Variants in FAT3 observed in about 807,000 individuals in gnomAD.
FAT3 encodes FAT atypical cadherin 3.
Under a neutral mutation model 310.2 loss-of-function variants are expected in FAT3, and 95 were observed. The observed-to-expected ratio is 0.31, with a 90% CI of 0.26 to 0.36. The LOEUF (loss-of-function observed/expected upper bound fraction) is 0.36. Among genes scored for constraint, FAT3 ranks in the 10% least tolerant of loss-of-function variants. The pLI, the probability that FAT3 is intolerant of heterozygous loss-of-function variation, is 1.00. For synonymous variants in FAT3, 2,314 were observed against 2,192.9 expected, an observed-to-expected ratio of 1.06 and a Z score of -1.54; for missense variants, 5,408 against 5,715.6, an observed-to-expected ratio of 0.95 and a Z score of 1.74.
At chr11:92,604,648 T>A (rs577743242) in intron 3 of FAT3, among the ~76,000 whole-genome samples, 1 of 152,334 alleles carries the variant, frequency 6.6e-6, no homozygotes, top group African/African-American at 2.4e-5. Flanking sequence ...CTGTCTATAC[T>A]CATCCTGTAT....
chr11:92,438,607 A>G (rs1409619653), intron 2 of FAT3, among the ~76,000 whole-genome samples: 2 of 152,186 alleles, frequency 1.3e-5, no homozygotes, highest in Admixed American at 6.6e-5. Flanking sequence ...AATCAAATCA[A>G]TTTCATAATC....
chr11:92,352,743 GGT>G lies in FAT3; in HGVS notation c.634_635del (p.Val212HisfsTer10). On this transcript the variant is annotated frameshift_variant, in exon 2 of 28. Transcript: ENST00000525166. LOFTEE classifies it high-confidence loss of function. ...TCTCTTTTCAGTTCACCCCACGAGT[GGT>G]GTCATCTCCTTAAGTGGTCGATTAA... The part of the protein sequence containing the change: ...VDLFSVHPTS[G>X]VISLSGRLNY... The G allele has an allele frequency of 6.2e-7, 1 of 1,613,780 alleles. No individual in the cohort carries two copies.
At chr11:92,566,747 A>G (rs529668146) in intron 3 of FAT3, among the ~76,000 whole-genome samples, 1 of 152,252 alleles carries the variant, frequency 6.6e-6, no homozygotes, top group African/African-American at 2.4e-5. Flanking sequence ...ATGTACAACT[A>G]TCTGATCTTT....
chr11:92,288,481 C>T (rs1946612376), intron 1 of FAT3, among the ~76,000 whole-genome samples: 1 of 152,044 alleles, frequency 6.6e-6, no homozygotes, highest in South Asian at 2.1e-4. Context: ...CCAGTCAGTA[C>T]CTGAGTCCCC....
intron 1 of FAT3, among the ~76,000 whole-genome samples, chr11:92,326,714 C>T (rs529932982): frequency 1.8e-4 from 27 of 152,304 alleles, no homozygotes; most frequent in South Asian, 6.2e-4. Context: ...AGGCGCAGCC[C>T]GCTAGTGTAT....
intron 3 of FAT3, among the ~76,000 whole-genome samples, chr11:92,607,010 C>T (rs1940333014): frequency 6.6e-6 from 1 of 152,136 alleles, no homozygotes. Flanking sequence ...TTCTCTGTTC[C>T]ACACCACCTC....
chr11:92,810,914 C>T (rs1044695148), intron 13 of FAT3, among the ~76,000 whole-genome samples: 1 of 151,814 alleles, frequency 6.6e-6, no homozygotes, highest in Non-Finnish European at 1.5e-5. Context: ...GCTAAACAGA[C>T]CTTTATATAA....
rs35407952 is a variant in FAT3 at position 92,234,902 on chromosome 11, C to CAA, written c.-18+9746_-18+9747dup. ...GGGTGACAACAGTGAGACTCCGTCT[C>CAA]AAAAAAAAAAAAAAAAAAATTAGCT... On this transcript the variant is annotated intron_variant, in intron 1 of 27. Transcript: ENST00000525166. 7.1e-3 allele frequency among the ~76,000 whole-genome samples: 709 copies of CAA among 99,662 alleles called. 3 individuals carry two copies. Among genetic ancestry groups the CAA allele is most frequent in the African/African-American group, 0.024 (666 of 27,252 alleles). The allele number at this position is 99,662 out of a possible 152,430, so 65.4% of individuals were successfully genotyped here. A position where few individuals can be genotyped will look rare whatever the true frequency, so the allele number is the denominator to read the frequency against.
intron 2 of FAT3, among the ~76,000 whole-genome samples, chr11:92,520,273 T>A (rs1953638541): frequency 6.6e-6 from 1 of 152,100 alleles, no homozygotes; most frequent in South Asian, 2.1e-4. Flanking sequence ...TCTATAAAAT[T>A]CTAGAAAATA....
At chr11:92,371,967 T>TG (rs557459702) in intron 2 of FAT3, among the ~76,000 whole-genome samples, 55 of 152,306 alleles carry the variant, frequency 3.6e-4, no homozygotes, top group African/African-American at 1.3e-3. Flanking sequence ...TAAATTCGTG[T>TG]GTTTTTAAGT....
At chr11:92,471,782 G>T (rs903975012) in intron 2 of FAT3, among the ~76,000 whole-genome samples, 2 of 151,790 alleles carry the variant, frequency 1.3e-5, no homozygotes, top group Non-Finnish European at 2.9e-5. Flanking sequence ...AATATAGTGT[G>T]ATACATTCAT....
At chr11:92,505,217 A>T (rs1035456674) in intron 2 of FAT3, among the ~76,000 whole-genome samples, 1 of 152,074 alleles carries the variant, frequency 6.6e-6, no homozygotes, top group Non-Finnish European at 1.5e-5. Flanking sequence ...CCAATTCCTG[A>T]TGCTGATGCA....
chr11:92,515,303 C>T (rs919364721), intron 2 of FAT3, among the ~76,000 whole-genome samples: 27 of 152,164 alleles, frequency 1.8e-4, no homozygotes, highest in Middle Eastern at 3.4e-3. Flanking sequence ...TAAATAAAAA[C>T]AGACTCTCTT....
intron 19 of FAT3, among the ~76,000 whole-genome samples, chr11:92,856,884 A>C (rs1948992685): frequency 1.3e-5 from 2 of 152,188 alleles, no homozygotes; most frequent in African/African-American, 4.8e-5. Flanking sequence ...AAGCCCTTGC[A>C]TTGTGATCTT....
intron 2 of FAT3, among the ~76,000 whole-genome samples, chr11:92,475,452 G>T (rs1057441218): frequency 3.3e-5 from 5 of 152,022 alleles, no homozygotes; most frequent in African/African-American, 1.2e-4. Context: ...CCTAGGGTCA[G>T]AGGGAAGGTG....
chr11:92,507,972 G>T (rs1346771383), intron 2 of FAT3, among the ~76,000 whole-genome samples: 1 of 152,060 alleles, frequency 6.6e-6, no homozygotes, highest in Admixed American at 6.6e-5. Context: ...AGTTTGGTGA[G>T]ATTTAACCTA....
chr11:92,241,217 C>A, intron 1 of FAT3, among the ~76,000 whole-genome samples: 1 of 152,062 alleles, frequency 6.6e-6, no homozygotes, highest in Admixed American at 6.6e-5. Flanking sequence ...TTTGGACTTT[C>A]TATCTGAGGC....
At chr11:92,664,948 C>A (rs1374492821) in intron 3 of FAT3, among the ~76,000 whole-genome samples, 1 of 152,118 alleles carries the variant, frequency 6.6e-6, no homozygotes, top group African/African-American at 2.4e-5. Flanking sequence ...AGAAGGAACA[C>A]TTGTAATTTG....
At chr11:92,272,814 G>C (rs1049314310) in intron 1 of FAT3, among the ~76,000 whole-genome samples, 1 of 152,086 alleles carries the variant, frequency 6.6e-6, no homozygotes, top group African/African-American at 2.4e-5. Flanking sequence ...TGCCAAGGAA[G>C]CTTGCTAGAC....
Sources: gnomAD v4.1 joint callset for allele counts (sites outside exome capture counted in the v4.1 genomes callset) on GRCh38, gnomAD v4.1.1 for gene constraint, MANE v1.5 for transcripts, NCBI Gene and HGNC (gene_info 2026-07-23, HGNC 2026-07-21) for gene names.